The following RAD21 variants were observed in gnomAD, a reference collection of about 807,000 sequenced individuals.
The protein encoded by RAD21 is double-strand-break repair protein rad21 homolog.
RAD21 carries 18 observed loss-of-function variants against 71.5 expected under a neutral mutation model. That is an observed-to-expected ratio of 0.25 (90% confidence interval 0.17 to 0.37). The LOEUF is 0.37. RAD21 is among the 10% of genes least tolerant of loss of function. The pLI is 1.00. For missense variants in RAD21, 493 were observed against 769.1 expected (o/e 0.64, Z 4.25); for synonymous variants, 248 against 254.0 (o/e 0.98, Z 0.22).
Position 116,852,094 on chromosome 8 carries a change from C to T in RAD21, c.1324G>A (p.Glu442Lys). The T allele has an allele frequency of 6.2e-7, 1 of 1,600,304 alleles. No homozygotes were observed. Among genetic ancestry groups the T allele is most frequent in the South Asian group, 1.1e-5 (1 of 90,392 alleles). Residue 442 changes from glutamate (E) to lysine (K), a missense_variant and splice_region_variant, in exon 11 of 14, where the codon GAG (glutamate) becomes AAG (lysine). Glu to Lys is a moderately conservative substitution (Grantham distance 56). Transcript: ENST00000297338. ...CGGCTTGGCTCTTCAATAATGGGCT[C>T]ATCTGCAATTGGTCATATGAAGAGA... is the stretch of plus-strand genomic sequence containing the variant. ...QQHQQRDVID[E>K]PIIEEPSRLQ...
In RAD21 at chr8:116,851,749, GA is replaced by G. The variant is rs576072264; in HGVS notation, c.1470+198del. Reference sequence around the variant, plus strand: ...AGCAATACTATTCAAAAAGAGTCAGGAAAGACTGCACCGACTCCCAGAACAT... The same window carrying G: ...AGCAATACTATTCAAAAAGAGTCAGGAAGACTGCACCGACTCCCAGAACAT... On this transcript the variant is annotated intron_variant, in intron 11 of 13. Coordinates refer to ENST00000297338, the MANE Select transcript of RAD21 (RefSeq NM_006265.3). 5.7e-4 allele frequency: 269 copies of G among 469,396 alleles called. 1 individual carries two copies. Among genetic ancestry groups the G allele is most frequent in the South Asian group, 3.0e-3 (59 of 19,444 alleles). The allele number at this position is 469,396 out of a possible 1,614,324, so 29.1% of individuals were successfully genotyped here. A position where few individuals can be genotyped will look rare whatever the true frequency, so the allele number is the denominator to read the frequency against.
At position 116,852,607 on chromosome 8, in the gene RAD21, T is replaced by C; in HGVS notation, c.1263A>G (p.Glu421=). The change falls in exon 10 of 14, where the codon GAA becomes GAG. Residue 421 remains glutamate, a synonymous_variant. Coordinates refer to ENST00000297338, the MANE Select transcript of RAD21 (RefSeq NM_006265.3). ...GGTCCTCTCTAGGAACCTCTGGATT[T>C]TCAAATTCTTTGAGGAATTCATCCA... ...DNLDEFLKEF[E]NPEVPREDQQ... 6.2e-7 allele frequency: 1 copy of C among 1,613,764 alleles called. No individual in the cohort carries two copies. Among genetic ancestry groups the C allele is most frequent in the Non-Finnish European group, 8.5e-7 (1 of 1,179,768 alleles).
chr8:116,854,491 G>T (rs375637600), intron 8 of RAD21, 23 bp from the exon 9 acceptor site: 5 of 1,578,012 alleles, frequency 3.2e-6, no homozygotes, highest in Non-Finnish European at 4.4e-6. Context: ...TAAAAAATAA[G>T]ATCATTTTCC....
chr8:116,863,644 G>C (rs935874529), intron 2 of RAD21, among the ~76,000 whole-genome samples: 1 of 152,118 alleles, frequency 6.6e-6, no homozygotes, highest in Non-Finnish European at 1.5e-5. Flanking sequence ...TCTTCAGTGG[G>C]CATGAAACAC....
At chr8:116,869,975 A>C (rs945344398) in intron 1 of RAD21, among the ~76,000 whole-genome samples, 6 of 152,186 alleles carry the variant, frequency 3.9e-5, no homozygotes, top group Admixed American at 6.5e-5. Flanking sequence ...TACGCGTATC[A>C]CAAGCAACAG....
Position 116,848,761 on chromosome 8 carries a change from T to TA in RAD21, c.1704+184dup, listed in dbSNP as rs56668650. On this transcript the variant is annotated intron_variant, in intron 13 of 13. Coordinates refer to ENST00000297338, the MANE Select transcript of RAD21 (RefSeq NM_006265.3). ...TATTTAATTAAAACTTAAACTATAA[T>TA]AAAAAAAAAAAAGAAAAGAAAACTC... 71,413 of 339,540 alleles carry TA rather than the reference T, an allele frequency of 0.21. 2,853 individuals carry two copies. The highest frequency in any genetic ancestry group is 0.37 in the East Asian group (9,531 of 25,440). The allele number at this position is 339,540 out of a possible 1,614,324, so 21.0% of individuals were successfully genotyped here. A position where few individuals can be genotyped will look rare whatever the true frequency, so the allele number is the denominator to read the frequency against.
At chr8:116,849,072 A>G (rs1244997555) in intron 12 of RAD21, 43 bp from the exon 13 acceptor site, 3 of 1,433,654 alleles carry the variant, frequency 2.1e-6, no homozygotes, top group East Asian at 2.5e-5. Context: ...AACAAGTCCA[A>G]TGAAAAATGA....
intron 1 of RAD21, among the ~76,000 whole-genome samples, chr8:116,872,879 C>T (rs1334783483): frequency 1.3e-5 from 2 of 152,130 alleles, no homozygotes; most frequent in Admixed American, 1.3e-4. Flanking sequence ...ATCCTTTGAC[C>T]AAGAGTTTTA....
At chr8:116,855,831 GCTAA>G (rs1375520000) in intron 8 of RAD21, among the ~76,000 whole-genome samples, 1 of 152,176 alleles carries the variant, frequency 6.6e-6, no homozygotes, top group African/African-American at 2.4e-5. Context: ...CAAGTAAGCT[GCTAA>G]CTTTCTGGGA....
intron 2 of RAD21, among the ~76,000 whole-genome samples, chr8:116,865,367 C>T (rs1812668305): frequency 6.6e-6 from 1 of 152,098 alleles, no homozygotes; most frequent in Non-Finnish European, 1.5e-5. Flanking sequence ...AGATTAGCCA[C>T]ACATATACTT....
chr8:116,852,045 G>T lies in RAD21; in HGVS notation c.1373C>A (p.Ala458Asp). The T allele has an allele frequency of 6.2e-7, 1 of 1,612,104 alleles. No homozygotes were observed. The highest frequency in any genetic ancestry group is 8.5e-7 in the Non-Finnish European group (1 of 1,178,352). The change falls in exon 11 of 14, where the codon GCC becomes GAC. Residue 458 changes from alanine (A) to aspartate (D), a missense_variant. Transcript: ENST00000297338. ...PSRLQESVME[A>D]SRTNIDESAM... is the part of the protein sequence containing the mutation. ...TGACTCATCTATGTTTGTTCTGCTG[G>T]CCTCCATCACTGACTCCTGGAGGCG...
intron 1 of RAD21, among the ~76,000 whole-genome samples, chr8:116,871,069 T>C (rs1187877465): frequency 1.3e-5 from 2 of 152,190 alleles, no homozygotes; most frequent in Non-Finnish European, 2.9e-5. Flanking sequence ...AGGAAATCAC[T>C]CTAATAACTA....
chr8:116,852,478 C>T, intron 10 of RAD21, 71 bp downstream of exon 10: 2 of 1,404,580 alleles, frequency 1.4e-6, no homozygotes, highest in Non-Finnish European at 1.9e-6. Flanking sequence ...TTCACTCTGA[C>T]AGTATAAAGG....
intron 2 of RAD21, 36 bp downstream of exon 2, chr8:116,866,549 TC>T: frequency 1.3e-6 from 2 of 1,571,832 alleles, no homozygotes. Flanking sequence ...CAATAAACAA[TC>T]AACAAAGTGA....
At chr8:116,869,869 T>C (rs1013940937) in intron 1 of RAD21, among the ~76,000 whole-genome samples, 3 of 152,234 alleles carry the variant, frequency 2.0e-5, no homozygotes, top group Non-Finnish European at 2.9e-5. Context: ...TTTTCATTTT[T>C]TCACAGTCTG....
Position 116,863,227 on chromosome 8 carries a change from G to C in RAD21, c.177C>G (p.Leu59=). Residue 59 remains leucine (L), a synonymous_variant, in exon 3 of 14, where the codon CTC becomes CTG. Coordinates refer to ENST00000297338, the MANE Select transcript of RAD21 (RefSeq NM_006265.3). ...GATAGATTCGAACTACTCCCAGTAAGAGATGTCCTGATGTCCGTAATGCCA... is the reference window on the plus strand; with the variant it reads ...GATAGATTCGAACTACTCCCAGTAACAGATGTCCTGATGTCCGTAATGCCA... ...VKMALRTSGH[L]LLGVVRIYHR... 4 of 1,612,254 alleles carry C rather than the reference G, an allele frequency of 2.5e-6. No individual in the cohort carries two copies. The highest frequency in any genetic ancestry group is 2.5e-6 in the Non-Finnish European group (3 of 1,178,648).
chr8:116,854,731 A>C (rs180879022), intron 8 of RAD21, among the ~76,000 whole-genome samples: 23 of 152,324 alleles, frequency 1.5e-4, no homozygotes, highest in Admixed American at 2.6e-4. Context: ...AAATGACGCA[A>C]GGGCCAACAC....
At chr8:116,858,517 C>A in intron 4 of RAD21, 59 bp from the exon 5 acceptor site, 3 of 1,343,314 alleles carry the variant, frequency 2.2e-6, no homozygotes, top group Admixed American at 1.9e-5. Context: ...AAAACAAATC[C>A]CAATTCTCTC....
intron 2 of RAD21, among the ~76,000 whole-genome samples, chr8:116,865,469 A>T (rs1812670660): frequency 6.6e-6 from 1 of 152,198 alleles, no homozygotes; most frequent in Non-Finnish European, 1.5e-5. Context: ...GTTCTCATAC[A>T]ATTTGACCAG....
Sources: gnomAD v4.1 joint callset for allele counts (sites outside exome capture counted in the v4.1 genomes callset) on GRCh38, gnomAD v4.1.1 for gene constraint, MANE v1.5 for transcripts, NCBI Gene and HGNC (gene_info 2026-07-23, HGNC 2026-07-21) for gene names.